The following ZNF536 variants were observed in gnomAD, a reference collection of about 807,000 sequenced individuals.
The protein encoded by ZNF536 is zinc finger protein 536.
Under a neutral mutation model 84.5 loss-of-function variants are expected in ZNF536, and 13 were observed. The observed-to-expected ratio is 0.15, with a 90% CI of 0.10 to 0.24. ZNF536 has a LOEUF of 0.24. ZNF536 is among the 10% of genes least tolerant of loss of function. The pLI, the probability that ZNF536 is intolerant of heterozygous loss-of-function variation, is 1.00. For missense variants in ZNF536, 1,536 were observed against 1,747.5 expected (o/e 0.88, Z 2.16); for synonymous variants, 811 against 742.5 (o/e 1.09, Z -1.50).
At chr19:30,226,048 C>T (rs1490394877), upstream of ZNF536, among the ~76,000 whole-genome samples, 1 of 151,904 alleles carries the variant, frequency 6.6e-6, no homozygotes, top group African/African-American at 2.4e-5. This position sits in a 1 kb window ranked among gnomAD's most constrained non-coding sequence, Gnocchi z 4.6. Context: ...TGGGCCGCCG[C>T]CTCCCCGCCC....
Position 30,696,581 on chromosome 19 carries a change from C to A in ZNF536, c.170-14176C>A, listed in dbSNP as rs189322713. 9.5e-4 allele frequency among the ~76,000 whole-genome samples: 145 copies of A among 152,316 alleles called. 1 individual carries two copies. Among genetic ancestry groups the A allele is most frequent in the Non-Finnish European group, 1.6e-3 (110 of 68,030 alleles). ...CAGGGCAGGCCGGCTTGCCTGACCACCCAGGCGGGCTGATGGCTCCACTCA... is the reference window on the plus strand; with the variant it reads ...CAGGGCAGGCCGGCTTGCCTGACCAACCAGGCGGGCTGATGGCTCCACTCA... On this transcript the variant is annotated intron_variant, in intron 1 of 1. Coordinates refer to the ZNF536 transcript ENST00000592773.
chr19:30,509,356 G>A (rs1052994966), intron 2 of ZNF536, among the ~76,000 whole-genome samples: 28 of 143,330 alleles, frequency 2.0e-4, no homozygotes, highest in Admixed American at 7.0e-5. Context: ...AATTACATAT[G>A]TATTACACAT....
intron 2 of ZNF536, among the ~76,000 whole-genome samples, chr19:30,523,285 C>T (rs2044441272): frequency 6.6e-6 from 1 of 152,166 alleles, no homozygotes; most frequent in Non-Finnish European, 1.5e-5. Context: ...ATGTTGAAAG[C>T]CACTATTAAT....
chr19:30,573,095 A>G (rs1199255950), intron 1 of ZNF536, among the ~76,000 whole-genome samples: 1 of 152,098 alleles, frequency 6.6e-6, no homozygotes, highest in East Asian at 1.9e-4. Flanking sequence ...ATGAGAGAGG[A>G]ACAGAGTTTT....
chr19:30,577,279 A>G (rs372684784), intron 1 of ZNF536, among the ~76,000 whole-genome samples: 1 of 152,132 alleles, frequency 6.6e-6, no homozygotes, highest in Non-Finnish European at 1.5e-5. Flanking sequence ...TTTAGTCTGA[A>G]TTACATATTT....
chr19:30,234,558 C>T (rs1334861999), intron 1 of ZNF536, among the ~76,000 whole-genome samples: 1 of 151,994 alleles, frequency 6.6e-6, no homozygotes, highest in Admixed American at 6.6e-5. Context: ...TGTGCCACCA[C>T]ACCTGGCTAA....
rs866787194 is a variant in ZNF536 at position 30,269,225 on chromosome 19, G to A, written c.-189-14847G>A. On this transcript the variant is annotated intron_variant, in intron 1 of 5. Coordinates refer to the ZNF536 transcript ENST00000585628. ...GCAGGAACCCTGCCACCTGCCTGGG[G>A]AGGCCGCCCTGCACAGATCTGTACA... is the stretch of plus-strand genomic sequence containing the variant. Among the ~76,000 whole-genome samples the A allele has an allele frequency of 2.0e-5, 3 of 152,196 alleles. No individual in the cohort carries two copies. The South Asian group carries it at 6.2e-4, about 31-fold the overall frequency.
At chr19:30,640,842 C>T (rs150714607) in intron 1 of ZNF536, among the ~76,000 whole-genome samples, 191 of 152,336 alleles carry the variant, frequency 1.3e-3, no homozygotes, top group Non-Finnish European at 2.5e-3. Context: ...GCTAGGGCCT[C>T]GTGTCAGCAG....
intron 1 of ZNF536, among the ~76,000 whole-genome samples, chr19:30,679,339 C>T (rs1360594483): frequency 1.3e-5 from 2 of 152,174 alleles, no homozygotes; most frequent in Non-Finnish European, 2.9e-5. Context: ...GAGGTGAGGC[C>T]CTGGGCCGGG....
chr19:30,545,943 C>T (rs1022527323), intron 3 of ZNF536, among the ~76,000 whole-genome samples: 5 of 152,230 alleles, frequency 3.3e-5, no homozygotes, highest in East Asian at 3.9e-4. Context: ...CAGGCACCTG[C>T]GGGCCTCACC....
At position 30,632,378 on chromosome 19, in the gene ZNF536, G is replaced by A. The variant is rs369896902; in HGVS notation, c.170-78379G>A. ...CCCAACACTTTGGGAGGCCAAGGCGGGAGGATCACCTGAGGTCTGGAGTTC... is the reference window on the plus strand; with the variant it reads ...CCCAACACTTTGGGAGGCCAAGGCGAGAGGATCACCTGAGGTCTGGAGTTC... On this transcript the variant is annotated intron_variant, in intron 1 of 1. Coordinates refer to the ZNF536 transcript ENST00000592773. 1.6e-3 allele frequency among the ~76,000 whole-genome samples: 244 copies of A among 152,276 alleles called. 5 individuals are homozygous for A. The South Asian group carries it at 0.047, about 29-fold the overall frequency.
chr19:30,457,166 G>A (rs143862142), intron 2 of ZNF536, among the ~76,000 whole-genome samples: 129 of 152,334 alleles, frequency 8.5e-4, no homozygotes, highest in African/African-American at 2.8e-3. Context: ...GGTTTACCCT[G>A]GGGCCTGTGG....
intron 3 of ZNF536, among the ~76,000 whole-genome samples, chr19:30,544,536 TGTGA>T (rs980322570): frequency 1.8e-4 from 27 of 152,264 alleles, no homozygotes; most frequent in South Asian, 6.2e-4. Flanking sequence ...GCATGCTGTG[TGTGA>T]GTGTGAGAGT....
intron 1 of ZNF536, among the ~76,000 whole-genome samples, chr19:30,655,021 G>C (rs1283642855): frequency 1.3e-5 from 2 of 152,192 alleles, no homozygotes; most frequent in East Asian, 1.9e-4. Context: ...GTGGCCTGAG[G>C]CACCTGGCTG....
chr19:30,226,984 G>C (rs1652747449), upstream of ZNF536, among the ~76,000 whole-genome samples: 1 of 139,910 alleles, frequency 7.1e-6, no homozygotes, highest in African/African-American at 2.7e-5. This position sits in a 1 kb window ranked among gnomAD's most constrained non-coding sequence, Gnocchi z 4.6. Flanking sequence ...GTGTATTTTA[G>C]GCAAAAAAAA....
intron 1 of ZNF536, among the ~76,000 whole-genome samples, chr19:30,704,205 G>A (rs1370069641): frequency 6.6e-6 from 1 of 152,198 alleles, no homozygotes; most frequent in Non-Finnish European, 1.5e-5. Context: ...ATGGAAGCCT[G>A]CTTGACCCAA....
chr19:30,308,439 G>A (rs942696083), intron 2 of ZNF536, among the ~76,000 whole-genome samples: 1 of 152,090 alleles, frequency 6.6e-6, no homozygotes, highest in African/African-American at 2.4e-5. Context: ...GTGGGAGAAA[G>A]GTTTAGAAGG....
intron 1 of ZNF536, among the ~76,000 whole-genome samples, chr19:30,241,408 G>T (rs896297917): frequency 2.6e-5 from 4 of 152,248 alleles, no homozygotes; most frequent in Admixed American, 1.3e-4. Flanking sequence ...CAGGGTATGA[G>T]GATACAGCAG....
intron 1 of ZNF536, among the ~76,000 whole-genome samples, chr19:30,674,221 G>A (rs749891230): frequency 2.6e-5 from 4 of 152,204 alleles, no homozygotes; most frequent in Admixed American, 6.5e-5. Flanking sequence ...GGCTTTCAGG[G>A]CACAGTGCTC....
Sources: allele counts gnomAD v4.1 joint callset (sites outside exome capture counted in the v4.1 genomes callset), GRCh38; gene constraint gnomAD v4.1.1; non-coding constraint Gnocchi (gnomAD v3.1); transcripts MANE v1.5; gene names NCBI Gene and HGNC (gene_info 2026-07-23, HGNC 2026-07-21).